Variants in ARID1B observed in about 807,000 individuals in gnomAD.
ARID1B encodes AT-rich interaction domain 1B.
A neutral mutation model predicts 212.3 loss-of-function variants in ARID1B; 30 were observed. That is an observed-to-expected ratio of 0.14 (90% CI 0.11 to 0.19). ARID1B has a LOEUF of 0.19. Ranked by LOEUF, ARID1B falls within the 10% of genes least tolerant of loss-of-function variation. The pLI, the probability that ARID1B is intolerant of heterozygous loss-of-function variation, is 1.00. For synonymous variants in ARID1B, 1,402 were observed against 1,301.7 expected, an observed-to-expected ratio of 1.08 and a Z score of -1.66; for missense variants, 2,891 against 3,204.0, an observed-to-expected ratio of 0.90 and a Z score of 2.36.
At position 156,862,493 on chromosome 6, in the gene ARID1B, G is replaced by GA. The variant is rs565707311; in HGVS notation, c.1986+33079dup. On this transcript the variant is annotated intron_variant, in intron 2 of 19. Transcript: ENST00000636930. ...GTAAGACGAAGGCAGAACAGTAAGA[G>GA]AAAAAAACCAGAAAAGAGCTCTGTC... 2.7e-3 allele frequency among the ~76,000 whole-genome samples: 408 copies of GA among 152,262 alleles called. 1 individual carries two copies. Among genetic ancestry groups the GA allele is most frequent in the Non-Finnish European group, 4.3e-3 (294 of 68,020 alleles).
chr6:156,990,635 G>A (rs1193512851), intron 4 of ARID1B, among the ~76,000 whole-genome samples: 1 of 152,052 alleles, frequency 6.6e-6, no homozygotes, highest in African/African-American at 2.4e-5. Context: ...GCAAGACTCC[G>A]TCTCAAAACG....
chr6:156,899,330 A>T (rs970012407), intron 2 of ARID1B, among the ~76,000 whole-genome samples: 5 of 152,298 alleles, frequency 3.3e-5, no homozygotes, highest in African/African-American at 1.2e-4. Context: ...CATGGCTCCC[A>T]TTGAAGGACA....
At chr6:156,862,018 G>C (rs1315494348) in intron 2 of ARID1B, among the ~76,000 whole-genome samples, 1 of 152,214 alleles carries the variant, frequency 6.6e-6, no homozygotes, top group Non-Finnish European at 1.5e-5. Flanking sequence ...TGTCAGTATA[G>C]AGTTCAAGGA....
At chr6:156,888,259 A>C (rs1259953998) in intron 2 of ARID1B, among the ~76,000 whole-genome samples, 2 of 152,236 alleles carry the variant, frequency 1.3e-5, no homozygotes, top group Non-Finnish European at 2.9e-5. Flanking sequence ...CAGATAAGCA[A>C]GAAGCTCCTC....
chr6:156,831,230 A>G (rs962432078), intron 2 of ARID1B, among the ~76,000 whole-genome samples: 1 of 152,234 alleles, frequency 6.6e-6, no homozygotes, highest in Non-Finnish European at 1.5e-5. Context: ...TCAAGTCCCC[A>G]TCGCACTCTG....
At chr6:157,028,368 C>A (rs1472215287) in intron 4 of ARID1B, among the ~76,000 whole-genome samples, 2 of 152,054 alleles carry the variant, frequency 1.3e-5, no homozygotes, top group Non-Finnish European at 2.9e-5. Flanking sequence ...ACAGAAAAAT[C>A]AATCATGTAG....
intron 6 of ARID1B, among the ~76,000 whole-genome samples, chr6:157,130,663 A>G (rs997016447): frequency 3.3e-5 from 5 of 152,192 alleles, no homozygotes; most frequent in South Asian, 2.1e-4. Flanking sequence ...GTTAGACTAT[A>G]TCTCTTTTTT....
At chr6:156,897,820 T>C (rs1360274148) in intron 2 of ARID1B, among the ~76,000 whole-genome samples, 1 of 152,100 alleles carries the variant, frequency 6.6e-6, no homozygotes, top group Middle Eastern at 3.2e-3. Flanking sequence ...GTGTGTCAGA[T>C]TTGGGTAGTT....
At chr6:156,794,570 CTTTTTTTT>C (rs34848808) in intron 1 of ARID1B, among the ~76,000 whole-genome samples, 1 of 67,978 alleles carries the variant, frequency 1.5e-5, no homozygotes. Context: ...CTGGCACATT[CTTTTTTTT>C]TTTTTTTTTT....
In ARID1B at chr6:157,198,880, C is replaced by T. The variant is rs56139133; in HGVS notation, c.4452C>T (p.His1484=). The change falls in exon 17 of 20, where the codon CAC becomes CAT. Residue 1484 remains histidine, a synonymous_variant. Transcript: ENST00000636930. Reference sequence around the variant, plus strand: ...CGGGACAGCCGCCGTATGGAGGGCACCAGCCCGGCCTGTACCCACAGCAGC... The same window carrying T: ...CGGGACAGCCGCCGTATGGAGGGCATCAGCCCGGCCTGTACCCACAGCAGC... The part of the protein sequence containing the change: ...PPSGQPPYGG[H]QPGLYPQQPN... The T allele has an allele frequency of 9.3e-6, 15 of 1,607,936 alleles. No individual in the cohort carries two copies. The Admixed American group carries it at 2.2e-4, about 23-fold the overall frequency.
At chr6:156,896,319 C>T (rs521255) in intron 2 of ARID1B, among the ~76,000 whole-genome samples, 40 of 152,252 alleles carry the variant, frequency 2.6e-4, no homozygotes, top group Non-Finnish European at 5.6e-4. Context: ...GCTCATGCCT[C>T]TAATCCCACC....
At chr6:157,073,048 A>G (rs991226667) in intron 4 of ARID1B, among the ~76,000 whole-genome samples, 1 of 152,132 alleles carries the variant, frequency 6.6e-6, no homozygotes, top group African/African-American at 2.4e-5. Flanking sequence ...TTATCTGATA[A>G]ATATTTGATA....
intron 15 of ARID1B, among the ~76,000 whole-genome samples, chr6:157,191,383 A>C (rs1161001504): frequency 6.6e-6 from 1 of 151,934 alleles, no homozygotes; most frequent in Non-Finnish European, 1.5e-5. Context: ...AGAGAGGGGA[A>C]CCTGGAGTCC....
At chr6:157,183,868 A>T (rs1792754248) in intron 12 of ARID1B, among the ~76,000 whole-genome samples, 1 of 152,200 alleles carries the variant, frequency 6.6e-6, no homozygotes, top group South Asian at 2.1e-4. Context: ...AGCTGCTGGA[A>T]TGAGCACTTT....
chr6:156,923,732 T>TCTTG (rs1363163311), intron 3 of ARID1B, among the ~76,000 whole-genome samples: 1 of 150,066 alleles, frequency 6.7e-6, no homozygotes, highest in Non-Finnish European at 1.5e-5. Context: ...AAAGACAGAG[T>TCTTG]CTTGCCCTGT....
chr6:157,179,273 G>C (rs1583460495), intron 11 of ARID1B, among the ~76,000 whole-genome samples: 1 of 152,128 alleles, frequency 6.6e-6, no homozygotes, highest in East Asian at 1.9e-4. Flanking sequence ...TTAGGAACCT[G>C]TTTTTAATAA....
At chr6:156,846,647 T>C (rs1046457846) in intron 2 of ARID1B, among the ~76,000 whole-genome samples, 1 of 152,186 alleles carries the variant, frequency 6.6e-6, no homozygotes, top group Non-Finnish European at 1.5e-5. Context: ...TAACTCATCG[T>C]TGACTCTCAG....
At chr6:156,951,347 A>G (rs966375892) in intron 4 of ARID1B, among the ~76,000 whole-genome samples, 8 of 152,250 alleles carry the variant, frequency 5.3e-5, no homozygotes, top group African/African-American at 1.9e-4. Flanking sequence ...ACTGATGAAT[A>G]ATGATTAAAT....
intron 4 of ARID1B, among the ~76,000 whole-genome samples, chr6:156,997,674 T>G (rs1346830261): frequency 1.3e-5 from 2 of 150,324 alleles, no homozygotes; most frequent in African/African-American, 5.0e-5. Flanking sequence ...TTTTTTTTTT[T>G]GCTGTTATTT....
Sources: gnomAD v4.1 joint callset for allele counts (sites outside exome capture counted in the v4.1 genomes callset) on GRCh38, gnomAD v4.1.1 for gene constraint, MANE v1.5 for transcripts, NCBI Gene and HGNC (gene_info 2026-07-23, HGNC 2026-07-21) for gene names.